Variants in TBC1D21 observed in about 807,000 individuals in gnomAD.
TBC1D21 encodes the protein TBC1 domain family member 21, also known as male germ cell Rab GTPase-activating protein.
A neutral mutation model predicts 46.0 loss-of-function variants in TBC1D21; 38 were observed. The observed-to-expected ratio is 0.83, with a 90% confidence interval of 0.64 to 1.08. The LOEUF is 1.08. TBC1D21 is among the 50% of genes least tolerant of loss of function. The probability of loss-of-function intolerance (pLI) is 0.00; values close to 1 mark genes in which losing one functional copy is unlikely to be tolerated. For missense variants in TBC1D21, 415 were observed against 417.9 expected, an observed-to-expected ratio of 0.99 and a Z score of 0.06; for synonymous variants, 151 against 157.2, an observed-to-expected ratio of 0.96 and a Z score of 0.29.
the TBC1D21 span, among the ~76,000 whole-genome samples, chr15:73,896,941 G>A: frequency 6.6e-6 from 1 of 152,212 alleles, no homozygotes; most frequent in Non-Finnish European, 1.5e-5. Flanking sequence ...TGTGTGTGGG[G>A]TAGGGGTGAT....
chr15:73,886,064 A>G lies in TBC1D21; in HGVS notation c.580-14A>G, dbSNP rs1462016079. On this transcript the variant is annotated splice_polypyrimidine_tract_variant and intron_variant, in intron 6 of 10. Coordinates refer to ENST00000300504, the MANE Select transcript of TBC1D21 (RefSeq NM_153356.3). ...CCAAGGGGGACTCAGTCTGTCTCCC[A>G]CCATCGTGTGCAGGAACACAGCTGT... is the stretch of plus-strand genomic sequence containing the variant. 6.2e-7 allele frequency: 1 copy of G among 1,613,410 alleles called. No individual in the cohort carries two copies. Among genetic ancestry groups the G allele is most frequent in the Non-Finnish European group, 8.5e-7 (1 of 1,179,488 alleles).
At chr15:73,888,926 C>T in intron 10 of TBC1D21, 143 bp from the exon 11 acceptor site, 1 of 935,448 alleles carries the variant, frequency 1.1e-6, no homozygotes, top group Non-Finnish European at 1.7e-6. Context: ...TACTTGAGAG[C>T]AGGGCCCTCA....
rs1363232175 is a variant in TBC1D21 at position 73,884,989 on chromosome 15, C to G, written c.479-14C>G. The G allele has an allele frequency of 2.5e-6, 4 of 1,613,416 alleles. No individual in the cohort carries two copies. Among genetic ancestry groups the G allele is most frequent in the Non-Finnish European group, 3.4e-6 (4 of 1,179,510 alleles). On this transcript the variant is annotated splice_polypyrimidine_tract_variant and intron_variant, in intron 5 of 10. Coordinates refer to ENST00000300504, the MANE Select transcript of TBC1D21 (RefSeq NM_153356.3). The stretch of plus-strand genomic sequence containing the variant: ...CCACCCAGCCCCTCCTCCCCAACCC[C>G]CTCTTCGCCACAGAGTACCAGCAGG...
intron 3 of TBC1D21, among the ~76,000 whole-genome samples, chr15:73,883,312 G>C (rs1247266927): frequency 2.0e-5 from 3 of 152,224 alleles, no homozygotes; most frequent in Non-Finnish European, 2.9e-5. Flanking sequence ...TCCTGAGGCT[G>C]CCTTAGCAAG....
At position 73,885,069 on chromosome 15, in the gene TBC1D21, C is replaced by G. The variant is rs1404199728; in HGVS notation, c.545C>G (p.Thr182Ser). 4 of 1,613,326 alleles carry G rather than the reference C, an allele frequency of 2.5e-6. No individual in the cohort carries two copies. The highest frequency in any genetic ancestry group is 1.7e-5 in the Admixed American group (1 of 59,976). ...CTGATGGTGGAGCACGACCACGAGA[C>G]CTTCTGGCTTTTCCAGTTCTTCCTG... Reference protein sequence around the residue: ...FQLMVEHDHETFWLFQFFLQK... With the variant: ...FQLMVEHDHESFWLFQFFLQK... Residue 182 changes from threonine to serine, a missense_variant, in exon 6 of 11, where the codon ACC becomes AGC. Thr to Ser is a moderately conservative substitution (Grantham distance 58). Transcript: ENST00000300504.
chr15:73,876,624 G>A (rs971623702), intron 1 of TBC1D21, among the ~76,000 whole-genome samples: 1 of 152,178 alleles, frequency 6.6e-6, no homozygotes, highest in Middle Eastern at 3.4e-3. Context: ...GTTTAGAAAT[G>A]CAAATTCTCT....
At position 73,882,917 on chromosome 15, in the gene TBC1D21, C is replaced by T. The variant is rs571889479; in HGVS notation, c.272+1170C>T. 2.6e-5 allele frequency among the ~76,000 whole-genome samples: 4 copies of T among 152,318 alleles called. No homozygotes were observed. The South Asian group carries it at 6.2e-4, about 24-fold the overall frequency. On this transcript the variant is annotated intron_variant, in intron 3 of 10. Coordinates refer to ENST00000300504, the MANE Select transcript of TBC1D21 (RefSeq NM_153356.3). ...TAGTGAGAACGGAGCCTGTGTCTTCCCTCCCAGGTTGAATGCAAACAAGGG... is the reference window on the plus strand; with the variant it reads ...TAGTGAGAACGGAGCCTGTGTCTTCTCTCCCAGGTTGAATGCAAACAAGGG...
chr15:73,876,223 T>TTTTTG (rs2068062628), intron 1 of TBC1D21, among the ~76,000 whole-genome samples: 1 of 51,252 alleles, frequency 2.0e-5, no homozygotes, highest in South Asian at 9.5e-4. Context: ...TTTTTTTTTT[T>TTTTTG]TTTTTTTTTT....
chr15:73,891,416 G>A (rs900215277), downstream of TBC1D21, among the ~76,000 whole-genome samples: 1 of 152,234 alleles, frequency 6.6e-6, no homozygotes, highest in African/African-American at 2.4e-5. Flanking sequence ...CCACTGCCAT[G>A]ATGCCAGCTG....
the TBC1D21 span, among the ~76,000 whole-genome samples, chr15:73,899,223 C>A: frequency 6.6e-6 from 1 of 152,100 alleles, no homozygotes; most frequent in Non-Finnish European, 1.5e-5. Flanking sequence ...GAGAGCCCAG[C>A]CCTTGAGAAC....
At position 73,876,199 on chromosome 15, in the gene TBC1D21, GTTTTTTTTTTTTTTTTTTTT is replaced by G. The variant is rs539517539; in HGVS notation, c.60+2457_60+2476del. 7.8e-4 allele frequency among the ~76,000 whole-genome samples: 22 copies of G among 28,328 alleles called. 1 individual carries two copies. Among genetic ancestry groups the G allele is most frequent in the South Asian group, 1.0e-3 (1 of 960 alleles). 18.6% of individuals were successfully genotyped at this position (28,328 alleles called of 152,430 possible). A position where few individuals can be genotyped will look rare whatever the true frequency, so the allele number is the denominator to read the frequency against. On this transcript the variant is annotated intron_variant, in intron 1 of 10. Transcript: ENST00000300504. ...GAAGAATCAGTGACTTTTTTTGTGG[GTTTTTTTTTTTTTTTTTTTT>G]TTTTTTTTTTTTTTTTTTTTTTTTT...
chr15:73,888,329 A>G, intron 9 of TBC1D21, 101 bp from the exon 10 acceptor site: 1 of 966,316 alleles, frequency 1.0e-6, no homozygotes, highest in South Asian at 1.5e-5. Flanking sequence ...TGTGAGCAGC[A>G]TCCTTCTTCC....
At chr15:73,888,564 TTCCTCCTCCTCCTCCTCTTCC>T (rs1567070251) in intron 10 of TBC1D21, 51 bp downstream of exon 10, 42 of 1,130,858 alleles carry the variant, frequency 3.7e-5, no homozygotes, top group South Asian at 1.5e-4. Flanking sequence ...CCTCCTCCTC[TTCCTCCTCCTCCTCCTCTTCC>T]TCCTCCTCCT....
rs1299088118 is a variant in TBC1D21 at position 73,887,695 on chromosome 15, C to T, written c.853C>T (p.Gln285Ter). 6.2e-7 allele frequency: 1 copy of T among 1,613,930 alleles called. No homozygotes were observed. The highest frequency in any genetic ancestry group is 2.2e-5 in the East Asian group (1 of 44,878). Residue 285 changes from glutamine (Q) to a stop codon, truncating the protein, a stop_gained, in exon 9 of 11, where the codon CAG becomes TAG. Transcript: ENST00000300504. LOFTEE classifies it high-confidence loss of function. ...CAGCATGCTGCAGATGGTGCGGGAG[C>T]AGGTGCTGCAGGAAAGCATGGGCGG... The part of the protein sequence containing the change: ...AYSMLQMVRE[Q>*]VLQESMGGDD...
rs769257172 is a variant in TBC1D21 at position 73,881,439 on chromosome 15, G to T, written c.101G>T (p.Ser34Ile). 4 of 1,614,232 alleles carry T rather than the reference G, an allele frequency of 2.5e-6. No homozygotes were observed. The highest frequency in any genetic ancestry group is 3.4e-6 in the Non-Finnish European group (4 of 1,180,040). The change falls in exon 2 of 11, where the codon AGC becomes ATC. Residue 34 changes from serine to isoleucine, a missense_variant. Ser to Ile is a moderately radical substitution (Grantham distance 142). Transcript: ENST00000300504. ...KPPIDKTEWD[S>I]FFDESGHLAK... ...CCCATTGACAAGACAGAATGGGACAGCTTCTTTGATGAGAGTGGCCACTTG... is the reference window on the plus strand; with the variant it reads ...CCCATTGACAAGACAGAATGGGACATCTTCTTTGATGAGAGTGGCCACTTG...
chr15:73,877,629 G>A (rs778679755), intron 1 of TBC1D21, among the ~76,000 whole-genome samples: 1 of 150,160 alleles, frequency 6.7e-6, no homozygotes, highest in African/African-American at 2.5e-5. Context: ...AAACTCACAG[G>A]CAAATGATTC....
intron 1 of TBC1D21, among the ~76,000 whole-genome samples, chr15:73,877,646 A>G (rs1212890736): frequency 6.6e-6 from 1 of 152,068 alleles, no homozygotes; most frequent in South Asian, 2.1e-4. Flanking sequence ...ATTCTTGTGA[A>G]CATGGATGCA....
the TBC1D21 span, among the ~76,000 whole-genome samples, chr15:73,897,413 G>T: frequency 5.4e-4 from 82 of 152,376 alleles, 1 homozygote; most frequent in South Asian, 0.014. Context: ...CACAGAAGTA[G>T]TCAGGTTCAG....
chr15:73,896,685 A>G, the TBC1D21 span, among the ~76,000 whole-genome samples: 3 of 152,184 alleles, frequency 2.0e-5, no homozygotes, highest in African/African-American at 7.2e-5. Context: ...CCACAGGCCT[A>G]AAGAAGGCTC....
Sources: gnomAD v4.1 joint callset for allele counts (sites outside exome capture counted in the v4.1 genomes callset) on GRCh38, gnomAD v4.1.1 for gene constraint, MANE v1.5 for transcripts, NCBI Gene and HGNC (gene_info 2026-07-23, HGNC 2026-07-21) for gene names.